The following TEKT5 variants were observed in gnomAD, a reference collection of about 807,000 sequenced individuals.
TEKT5 encodes tektin 5, also known as tektin-5.
TEKT5 carries 52 observed loss-of-function variants against 48.7 expected under a neutral mutation model. The observed-to-expected ratio is 1.07, with a 90% CI of 0.86 to 1.35. The LOEUF (loss-of-function observed/expected upper bound fraction) is 1.35, where lower values mean the gene tolerates loss of function less well. Ranked by LOEUF, TEKT5 falls within the 40% of genes most tolerant of loss-of-function variation. The probability of loss-of-function intolerance (pLI) is 0.00; values close to 1 mark genes in which losing one functional copy is unlikely to be tolerated. For synonymous variants in TEKT5, 318 were observed against 267.6 expected, an observed-to-expected ratio of 1.19 and a Z score of -1.84; for missense variants, 831 against 641.6, an observed-to-expected ratio of 1.30 and a Z score of -3.19.
intron 6 of TEKT5, among the ~76,000 whole-genome samples, chr16:10,634,037 A>C (rs1040895056): frequency 6.6e-6 from 1 of 152,148 alleles, no homozygotes; most frequent in Non-Finnish European, 1.5e-5. Flanking sequence ...CACATCTAGC[A>C]GTGGGGTCTC....
At position 10,689,248 on chromosome 16, in the gene TEKT5, C is replaced by G; in HGVS notation, c.719+5G>C. 1.3e-6 allele frequency: 2 copies of G among 1,598,372 alleles called. No homozygotes were observed. The highest frequency in any genetic ancestry group is 1.7e-4 in the Middle Eastern group (1 of 5,984). On this transcript the variant is annotated splice_donor_5th_base_variant and intron_variant, in intron 3 of 6. Coordinates refer to ENST00000283025, the MANE Select transcript of TEKT5 (RefSeq NM_144674.2). ...GAGGGAATTAAAAAAAAAAAAAGCC[C>G]TTACCGCATCTGGATATCAATTCTT... is the stretch of plus-strand genomic sequence containing the variant.
chr16:10,657,822 G>C (rs1013218754), intron 5 of TEKT5, among the ~76,000 whole-genome samples: 2 of 148,554 alleles, frequency 1.3e-5, no homozygotes, highest in African/African-American at 5.0e-5. Flanking sequence ...GGATGTTCTC[G>C]ATCTCCTGAC....
At chr16:10,642,802 C>T (rs575901426) in intron 5 of TEKT5, among the ~76,000 whole-genome samples, 2 of 151,796 alleles carry the variant, frequency 1.3e-5, no homozygotes, top group East Asian at 3.9e-4. Context: ...TAGAAGTAAA[C>T]AGTAGAACAG....
chr16:10,657,738 C>G (rs1320975485), intron 5 of TEKT5, among the ~76,000 whole-genome samples: 1 of 151,450 alleles, frequency 6.6e-6, no homozygotes, highest in Non-Finnish European at 1.5e-5. Flanking sequence ...TACAGGCGCC[C>G]ACCACTACGC....
intron 5 of TEKT5, among the ~76,000 whole-genome samples, chr16:10,637,906 G>A (rs1327591104): frequency 6.6e-6 from 1 of 152,164 alleles, no homozygotes; most frequent in East Asian, 1.9e-4. Flanking sequence ...GACCTCCAGG[G>A]CTCAAATGAT....
intron 5 of TEKT5, among the ~76,000 whole-genome samples, chr16:10,648,437 C>T (rs1201526368): frequency 1.3e-5 from 2 of 152,274 alleles, no homozygotes; most frequent in African/African-American, 4.8e-5. Flanking sequence ...CCTGCCTCAG[C>T]CTCCTGAGTA....
intron 5 of TEKT5, among the ~76,000 whole-genome samples, chr16:10,641,180 T>A (rs1897989674): frequency 6.6e-6 from 1 of 152,130 alleles, no homozygotes; most frequent in East Asian, 1.9e-4. Context: ...GAACATGTAG[T>A]GGTATATTAT....
chr16:10,637,863 T>G (rs924836705), intron 5 of TEKT5, among the ~76,000 whole-genome samples: 1 of 152,212 alleles, frequency 6.6e-6, no homozygotes, highest in Non-Finnish European at 1.5e-5. Context: ...CAGGCTGGAG[T>G]GCAGTTGCGC....
At chr16:10,660,248 G>A (rs1297138052) in intron 5 of TEKT5, among the ~76,000 whole-genome samples, 3 of 152,136 alleles carry the variant, frequency 2.0e-5, no homozygotes, top group African/African-American at 7.2e-5. Context: ...TAATAGAAAA[G>A]GGCTCTCCTC....
intron 4 of TEKT5, among the ~76,000 whole-genome samples, chr16:10,676,482 G>A (rs1310752735): frequency 2.6e-5 from 4 of 152,116 alleles, no homozygotes; most frequent in Non-Finnish European, 5.9e-5. Flanking sequence ...TCATTTTACA[G>A]GGGAAGCAAG....
intron 5 of TEKT5, among the ~76,000 whole-genome samples, chr16:10,643,940 GC>G (rs1385083641): frequency 6.6e-6 from 1 of 152,114 alleles, no homozygotes; most frequent in Non-Finnish European, 1.5e-5. Flanking sequence ...TACGCGGGAG[GC>G]TGAGGCAGGA....
At chr16:10,630,630 C>T (rs2142253898) in intron 6 of TEKT5, among the ~76,000 whole-genome samples, 1 of 152,284 alleles carries the variant, frequency 6.6e-6, no homozygotes, top group South Asian at 2.1e-4. Context: ...TATATCTGCA[C>T]CATCAAATAT....
intron 3 of TEKT5, among the ~76,000 whole-genome samples, chr16:10,683,185 TGGG>T (rs1898787493): frequency 6.6e-6 from 1 of 151,974 alleles, no homozygotes; most frequent in East Asian, 1.9e-4. Context: ...GTAGACCTTA[TGGG>T]GGAATGAGAA....
In TEKT5 at chr16:10,689,232, A is replaced by G. The variant is rs201231382; in HGVS notation, c.719+21T>C. The G allele has an allele frequency of 3.3e-4, 69 of 207,468 alleles. No homozygotes were observed. In the East Asian group the frequency reaches 9.8e-3, roughly 29 times the overall value. The allele number at this position is 207,468 out of a possible 1,614,324, so 12.9% of individuals were successfully genotyped here. On this transcript the variant is annotated intron_variant, in intron 3 of 6. Transcript: ENST00000283025. ...AAACAAACCCCAAGGAGAGGGAATT[A>G]AAAAAAAAAAAAGCCCTTACCGCAT...
intron 3 of TEKT5, among the ~76,000 whole-genome samples, chr16:10,685,852 C>T (rs1898854458): frequency 6.6e-6 from 1 of 152,114 alleles, no homozygotes; most frequent in Non-Finnish European, 1.5e-5. Flanking sequence ...TCCCAGATCC[C>T]CCCACCTCTG....
At chr16:10,636,375 C>A (rs1331146812) in intron 5 of TEKT5, among the ~76,000 whole-genome samples, 91 of 138,198 alleles carry the variant, frequency 6.6e-4, no homozygotes, top group Non-Finnish European at 5.9e-4. Context: ...GACTTTGTCT[C>A]AAAAAAAAAA....
At chr16:10,636,976 C>T (rs1897922796) in intron 5 of TEKT5, among the ~76,000 whole-genome samples, 1 of 140,818 alleles carries the variant, frequency 7.1e-6, no homozygotes. Flanking sequence ...GCTGCCTCAC[C>T]TGGCTGATTT....
intron 5 of TEKT5, among the ~76,000 whole-genome samples, chr16:10,640,845 T>C (rs1034322895): frequency 7.9e-5 from 12 of 152,172 alleles, no homozygotes; most frequent in African/African-American, 2.9e-4. Flanking sequence ...TTCCACCATA[T>C]AGCTAGACCA....
chr16:10,645,364 T>C (rs1158769262), intron 5 of TEKT5, among the ~76,000 whole-genome samples: 1 of 151,002 alleles, frequency 6.6e-6, no homozygotes, highest in Non-Finnish European at 1.5e-5. Context: ...ACAAAAAAAT[T>C]AGTCAGGTGT....
Sources: gnomAD v4.1 joint callset for allele counts (sites outside exome capture counted in the v4.1 genomes callset) on GRCh38, gnomAD v4.1.1 for gene constraint, MANE v1.5 for transcripts, NCBI Gene and HGNC (gene_info 2026-07-23, HGNC 2026-07-21) for gene names.